The following PCDHGA4 variants were observed in gnomAD, a reference collection of about 807,000 sequenced individuals.
PCDHGA4 encodes the protein protocadherin gamma-A4.
In PCDHGA4, 38 loss-of-function variants were observed where a neutral mutation model predicts 54.6. The ratio of observed to expected loss-of-function variants is 0.70; its 90% CI spans 0.54 to 0.91. PCDHGA4 has a LOEUF of 0.91. PCDHGA4 is among the 40% of genes least tolerant of loss of function. The probability of loss-of-function intolerance (pLI) is 0.00; values close to 1 mark genes in which losing one functional copy is unlikely to be tolerated. For missense variants in PCDHGA4, 1,298 were observed against 1,220.9 expected (o/e 1.06, Z -0.94); for synonymous variants, 511 against 512.9 (o/e 1.00, Z 0.05).
rs1043830490 is a variant in PCDHGA4, at chr5:141,357,171, C to T, written c.2064C>T (p.Thr688=). Residue 688 remains threonine (T), a synonymous_variant, in exon 1 of 4, where the codon ACC becomes ACT. Coordinates refer to ENST00000571252, the MANE Select transcript of PCDHGA4 (RefSeq NM_018917.4). ...QDHGQPPLSA[T]VTLTVAVADS... is the part of the protein sequence containing the mutation. Reference sequence around the variant, plus strand: ...ATGGCCAGCCCCCTCTCTCGGCCACCGTCACACTCACTGTGGCTGTGGCCG... The same window carrying T: ...ATGGCCAGCCCCCTCTCTCGGCCACTGTCACACTCACTGTGGCTGTGGCCG... 6 of 1,613,588 alleles carry T rather than the reference C, an allele frequency of 3.7e-6. No individual in the cohort carries two copies. The African/African-American group carries it at 4.0e-5, about 11-fold the overall frequency.
rs539406412 is a variant in PCDHGA4, at chr5:141,427,895, G to A, written c.2515-66912G>A. ...CGATGCAGGCCCACGACCAGGGCTCGCCCGCGCTCAGCGCCAACATGAGCC... is the reference window on the plus strand; with the variant it reads ...CGATGCAGGCCCACGACCAGGGCTCACCCGCGCTCAGCGCCAACATGAGCC... On this transcript the variant is annotated intron_variant, in intron 1 of 3. Transcript: ENST00000571252. 373 of 1,569,222 alleles carry A rather than the reference G, an allele frequency of 2.4e-4. 2 individuals are homozygous for A. In the South Asian group the frequency reaches 3.9e-3, roughly 17 times the overall value.
chr5:141,409,459 T>A lies in PCDHGA4; in HGVS notation c.2514+51838T>A, dbSNP rs139792503. 3.7e-6 allele frequency: 6 copies of A among 1,613,832 alleles called. 1 individual carries two copies. The highest frequency in any genetic ancestry group is 3.3e-4 in the Middle Eastern group (2 of 6,084). ...ACCGAGAGCAGACACCAGAATACAATGTCACCATCGTAGCCACTGACAGGG... is the reference window on the plus strand; with the variant it reads ...ACCGAGAGCAGACACCAGAATACAAAGTCACCATCGTAGCCACTGACAGGG... On this transcript the variant is annotated intron_variant, in intron 1 of 3. Transcript: ENST00000571252.
chr5:141,473,116 G>A (rs966472502), intron 1 of PCDHGA4, among the ~76,000 whole-genome samples: 19 of 152,114 alleles, frequency 1.2e-4, no homozygotes, highest in African/African-American at 4.6e-4. Context: ...ACTTTACTTG[G>A]CTCTTTGGCA....
intron 1 of PCDHGA4, chr5:141,384,099 T>A (rs1456303515): frequency 6.3e-7 from 1 of 1,597,622 alleles, no homozygotes; most frequent in Non-Finnish European, 8.5e-7. Flanking sequence ...CAATAGATAA[T>A]TATTATAGAT....
intron 1 of PCDHGA4, chr5:141,400,190 T>C: frequency 1.2e-6 from 2 of 1,614,016 alleles, no homozygotes; most frequent in Non-Finnish European, 1.7e-6. Context: ...CAGTTTTACC[T>C]AGTGGTGGCC....
intron 1 of PCDHGA4, chr5:141,393,707 T>A: frequency 6.2e-7 from 1 of 1,613,882 alleles, no homozygotes; most frequent in African/African-American, 1.3e-5. Flanking sequence ...ATGAAAATAC[T>A]GGGGAAATAT....
chr5:141,422,390 C>T, intron 1 of PCDHGA4: 1 of 1,591,016 alleles, frequency 6.3e-7, no homozygotes, highest in Non-Finnish European at 8.5e-7. Flanking sequence ...TGTTTTATTC[C>T]TAACCACCTG....
chr5:141,389,660 G>A (rs1302432237), intron 1 of PCDHGA4: 4 of 1,612,338 alleles, frequency 2.5e-6, no homozygotes, highest in African/African-American at 2.7e-5. Flanking sequence ...TAGTGGCGGT[G>A]GACGCAGACT....
chr5:141,404,290 T>C (rs2094507318), intron 1 of PCDHGA4: 1 of 1,613,984 alleles, frequency 6.2e-7, no homozygotes, highest in South Asian at 1.1e-5. Context: ...CTGACATCAA[T>C]GATAATCCAC....
intron 1 of PCDHGA4, chr5:141,428,368 C>A (rs1403173774): frequency 1.3e-5 from 7 of 544,884 alleles, no homozygotes; most frequent in Non-Finnish European, 2.4e-5. Flanking sequence ...GGTCGCCTTG[C>A]ACCTGCGATG....
Position 141,423,337 on chromosome 5 carries a change from A to G in PCDHGA4, c.2514+65716A>G, listed in dbSNP as rs769321122. The G allele has an allele frequency of 6.0e-5, 97 of 1,614,180 alleles. 1 individual carries two copies. The African/African-American group carries it at 8.9e-4, about 15-fold the overall frequency. ...GGTGGCGGTGGCCGCAGTCTCCTGC[A>G]TCTTCCTGGTCTTTGTCATCGTGCT... On this transcript the variant is annotated intron_variant, in intron 1 of 3. Coordinates refer to ENST00000571252, the MANE Select transcript of PCDHGA4 (RefSeq NM_018917.4).
rs1760361286 is a variant in PCDHGA4 at position 141,356,845 on chromosome 5, A to G, written c.1738A>G (p.Ser580Gly). The G allele has an allele frequency of 9.3e-6, 15 of 1,614,178 alleles. No homozygotes were observed. The highest frequency in any genetic ancestry group is 1.2e-5 in the Non-Finnish European group (14 of 1,180,026). The change falls in exon 1 of 4, where the codon AGC becomes GGC. Residue 580 changes from serine to glycine, a missense_variant. Coordinates refer to ENST00000571252, the MANE Select transcript of PCDHGA4 (RefSeq NM_018917.4). ...DPPLSSNVSLSLFVLDQNDNV... is the reference protein window; with the variant it reads ...DPPLSSNVSLGLFVLDQNDNV... ...TCCACTCAGCAGCAATGTGTCACTG[A>G]GCCTCTTTGTGCTGGACCAGAACGA...
intron 1 of PCDHGA4, chr5:141,408,899 A>G (rs1379621758): frequency 1.2e-6 from 2 of 1,613,316 alleles, no homozygotes; most frequent in Non-Finnish European, 8.5e-7. Context: ...AATTTCTGTC[A>G]AGGATACCAA....
chr5:141,462,512 A>C (rs1169461013), intron 1 of PCDHGA4, among the ~76,000 whole-genome samples: 1 of 152,106 alleles, frequency 6.6e-6, no homozygotes, highest in Non-Finnish European at 1.5e-5. Flanking sequence ...AACTAGATCA[A>C]GTTAGTAAGA....
rs773840884 is a variant in PCDHGA4 at position 141,372,185 on chromosome 5, C to A, written c.2514+14564C>A. 4 of 1,613,630 alleles carry A rather than the reference C, an allele frequency of 2.5e-6. No individual in the cohort carries two copies. The South Asian group carries it at 4.4e-5, about 18-fold the overall frequency. The stretch of plus-strand genomic sequence containing the variant: ...CCAAGGTGGTGGCGGTGGACGCAGA[C>A]TCGGGATACAACGCCTGGCTGTCCT... On this transcript the variant is annotated intron_variant, in intron 1 of 3. Transcript: ENST00000571252.
chr5:141,450,556 G>A lies in PCDHGA4; in HGVS notation c.2515-44251G>A, dbSNP rs534127421. Among the ~76,000 whole-genome samples, 5 of 151,822 alleles carry A rather than the reference G, an allele frequency of 3.3e-5. 1 individual carries two copies. Among genetic ancestry groups the A allele is most frequent in the South Asian group, 2.1e-4 (1 of 4,804 alleles). On this transcript the variant is annotated intron_variant, in intron 1 of 3. Transcript: ENST00000571252. ...GGCTGGAATGCAGTGGCGCAGTCTCGGCTCACTGCAACTTCTGCCTCCCAG... is the reference window on the plus strand; with the variant it reads ...GGCTGGAATGCAGTGGCGCAGTCTCAGCTCACTGCAACTTCTGCCTCCCAG...
rs750571929 is a variant in PCDHGA4 at position 141,357,479 on chromosome 5, C to T, written c.2372C>T (p.Thr791Ile). ...LQTYSHEVSL[T>I]ADSRKSHLIF... ...ACCTATTCCCACGAGGTCTCCCTCA[C>T]CGCGGACTCGCGGAAGAGTCACCTG... Residue 791 changes from threonine to isoleucine, a missense_variant, in exon 1 of 4, where the codon ACC becomes ATC. Coordinates refer to ENST00000571252, the MANE Select transcript of PCDHGA4 (RefSeq NM_018917.4). The T allele has an allele frequency of 5.6e-6, 9 of 1,614,132 alleles. No homozygotes were observed. Among genetic ancestry groups the T allele is most frequent in the South Asian group, 1.1e-5 (1 of 91,094 alleles).
chr5:141,395,123 TC>T, intron 1 of PCDHGA4: 1 of 1,614,148 alleles, frequency 6.2e-7, no homozygotes, highest in Non-Finnish European at 8.5e-7. Flanking sequence ...ACCTGATCTT[TC>T]CCCAGCCCAA....
Position 141,422,656 on chromosome 5 carries a change from G to T in PCDHGA4, c.2514+65035G>T, listed in dbSNP as rs759548203. The T allele has an allele frequency of 7.5e-6, 12 of 1,609,898 alleles. 1 individual carries two copies. The African/African-American group carries it at 1.1e-4, about 14-fold the overall frequency. On this transcript the variant is annotated intron_variant, in intron 1 of 3. Transcript: ENST00000571252. The stretch of plus-strand genomic sequence containing the variant: ...GGGTGCCTCCATCTTCTCAGTGACC[G>T]CCCTCGACCCGGACAGCAAACAGAA...
Sources: allele counts gnomAD v4.1 joint callset (sites outside exome capture counted in the v4.1 genomes callset), GRCh38; gene constraint gnomAD v4.1.1; transcripts MANE v1.5; gene names NCBI Gene and HGNC (gene_info 2026-07-23, HGNC 2026-07-21).